SLCO3A1: variants seen among roughly 807,000 people sequenced by gnomAD.
SLCO3A1 encodes solute carrier organic anion transporter family member 3A1.
A neutral mutation model predicts 63.1 loss-of-function variants in SLCO3A1; 27 were observed. That is an observed-to-expected ratio of 0.43 (90% CI 0.32 to 0.59). SLCO3A1 has a LOEUF of 0.59. SLCO3A1 is among the 20% of genes least tolerant of loss of function. The pLI, the probability that SLCO3A1 is intolerant of heterozygous loss-of-function variation, is 0.09. For missense variants in SLCO3A1, 773 were observed against 945.8 expected (o/e 0.82, Z 2.40); for synonymous variants, 473 against 409.9 (o/e 1.15, Z -1.86).
At chr15:91,867,937 G>T (rs1237822469) in intron 1 of SLCO3A1, among the ~76,000 whole-genome samples, 1 of 152,228 alleles carries the variant, frequency 6.6e-6, no homozygotes, top group African/African-American at 2.4e-5. Context: ...GTGGCCGGCC[G>T]ATCCAAGCGC....
chr15:92,158,323 C>A (rs1487392396), intron 9 of SLCO3A1, among the ~76,000 whole-genome samples: 1 of 152,170 alleles, frequency 6.6e-6, no homozygotes, highest in Non-Finnish European at 1.5e-5. Context: ...CCCTGGAAAT[C>A]CCCAATAAGA....
In SLCO3A1 at chr15:92,162,854, G is replaced by C; in HGVS notation, c.1852G>C (p.Asp618His). ...GGAGCAAGGCGCCTGCGTCCTCTAC[G>C]ACAATGTGGTCTACCGATACCTGTA... ...CGEQGACVLY[D>H]NVVYRYLYVS... The change falls in exon 10 of 10, where the codon GAC (aspartate) becomes CAC (histidine). Residue 618 changes from aspartate to histidine, a missense_variant. Physicochemically the swap from Asp to His is moderately conservative, Grantham distance 81. Coordinates refer to ENST00000318445, the MANE Select transcript of SLCO3A1 (RefSeq NM_013272.4). 22 of 1,614,160 alleles carry C rather than the reference G, an allele frequency of 1.4e-5. No individual in the cohort carries two copies. Among genetic ancestry groups the C allele is most frequent in the Non-Finnish European group, 1.8e-5 (21 of 1,180,050 alleles).
chr15:91,935,685 A>T (rs747876246), intron 2 of SLCO3A1, among the ~76,000 whole-genome samples: 1 of 152,214 alleles, frequency 6.6e-6, no homozygotes, highest in Non-Finnish European at 1.5e-5. Flanking sequence ...AGGGCCTGCC[A>T]CTTCCTTCCT....
chr15:92,096,763 G>C (rs1596097685), intron 3 of SLCO3A1, among the ~76,000 whole-genome samples: 1 of 152,104 alleles, frequency 6.6e-6, no homozygotes, highest in Non-Finnish European at 1.5e-5. Flanking sequence ...TTTACTTGTA[G>C]CTAATGATGT....
At chr15:92,115,815 CAAAAA>C (rs765666191) in intron 4 of SLCO3A1, among the ~76,000 whole-genome samples, 7 of 86,712 alleles carry the variant, frequency 8.1e-5, no homozygotes, top group African/African-American at 3.1e-4. Context: ...TCTCTTCCCT[CAAAAA>C]AAAAAAAAAA....
chr15:91,928,144 T>C (rs1899097238), intron 2 of SLCO3A1, among the ~76,000 whole-genome samples: 1 of 152,264 alleles, frequency 6.6e-6, no homozygotes, highest in African/African-American at 2.4e-5. Context: ...CTAGGATTCA[T>C]TACTATCATA....
At position 91,859,932 on chromosome 15, in the gene SLCO3A1, G is replaced by C. The variant is rs1235410506; in HGVS notation, c.180+5844G>C. 6.6e-6 allele frequency among the ~76,000 whole-genome samples: 1 copy of C among 152,166 alleles called. No individual in the cohort carries two copies. Among genetic ancestry groups the C allele is most frequent in the Non-Finnish European group, 1.5e-5 (1 of 68,036 alleles). ...TTCAAGTAGTTTCCTATTCTACATG[G>C]ACATTTTTGTCTGGGAGGTAAAAAG... On this transcript the variant is annotated intron_variant, in intron 1 of 9. Coordinates refer to ENST00000318445, the MANE Select transcript of SLCO3A1 (RefSeq NM_013272.4). This position sits in a 1 kb window ranked among gnomAD's most constrained non-coding sequence, Gnocchi z 5.1.
intron 2 of SLCO3A1, among the ~76,000 whole-genome samples, chr15:91,953,888 T>TG (rs1309030621): frequency 6.6e-6 from 1 of 152,200 alleles, no homozygotes; most frequent in African/African-American, 2.4e-5. Context: ...ATCTTCCTTC[T>TG]GAGGTGGAGG....
chr15:92,048,704 G>C (rs1421943505), intron 2 of SLCO3A1, among the ~76,000 whole-genome samples: 1 of 152,152 alleles, frequency 6.6e-6, no homozygotes, highest in African/African-American at 2.4e-5. Context: ...TTCGAGACCA[G>C]CCTGGCCAAC....
chr15:92,102,359 C>A (rs1382778964), intron 3 of SLCO3A1, among the ~76,000 whole-genome samples: 2 of 152,118 alleles, frequency 1.3e-5, no homozygotes. Context: ...TTTTGAGATT[C>A]TCATTTATAT....
chr15:92,057,724 G>A (rs1427148472), intron 2 of SLCO3A1, among the ~76,000 whole-genome samples: 1 of 152,174 alleles, frequency 6.6e-6, no homozygotes, highest in East Asian at 1.9e-4. Context: ...CCAGCTAAAA[G>A]AATCACTGAT....
At chr15:92,095,278 C>T (rs1373917179) in intron 3 of SLCO3A1, among the ~76,000 whole-genome samples, 1 of 152,224 alleles carries the variant, frequency 6.6e-6, no homozygotes, top group African/African-American at 2.4e-5. Flanking sequence ...ATAATTACAT[C>T]GGCCTGGCAG....
In SLCO3A1 at chr15:92,016,251, AGAT is replaced by A. The variant is rs879746952; in HGVS notation, c.647-78629_647-78627del. ...TAGATAGATAGATAGATAGATAGAT[AGAT>A]TAGATAGATAGATAGATAGATAGAT... On this transcript the variant is annotated intron_variant, in intron 2 of 9. Transcript: ENST00000318445. Among the ~76,000 whole-genome samples, 462 of 52,198 alleles carry A rather than the reference AGAT, an allele frequency of 8.9e-3. 2 individuals carry two copies. Among genetic ancestry groups the A allele is most frequent in the East Asian group, 0.036 (16 of 442 alleles). 34.2% of individuals were successfully genotyped at this position (52,198 alleles called of 152,430 possible).
intron 2 of SLCO3A1, among the ~76,000 whole-genome samples, chr15:91,946,668 C>A (rs942427979): frequency 6.6e-6 from 1 of 152,146 alleles, no homozygotes; most frequent in South Asian, 2.1e-4. Flanking sequence ...AGGAGAAGGA[C>A]TTGGGAGGAT....
intron 2 of SLCO3A1, among the ~76,000 whole-genome samples, chr15:91,958,208 G>A (rs774340703): frequency 2.6e-5 from 4 of 152,164 alleles, no homozygotes; most frequent in Non-Finnish European, 5.9e-5. Context: ...TATTGGTGAG[G>A]CTTCCAATTA....
At chr15:92,127,577 A>T (rs1157594957) in intron 6 of SLCO3A1, among the ~76,000 whole-genome samples, 2 of 152,210 alleles carry the variant, frequency 1.3e-5, no homozygotes, top group Non-Finnish European at 2.9e-5. Context: ...ATTATTATGA[A>T]GTGCTCTGAG....
At chr15:92,053,881 T>C (rs2046991106) in intron 2 of SLCO3A1, among the ~76,000 whole-genome samples, 1 of 152,000 alleles carries the variant, frequency 6.6e-6, no homozygotes, top group African/African-American at 2.4e-5. Flanking sequence ...CTGCCCTCTT[T>C]TCCTCTTTGT....
intron 2 of SLCO3A1, among the ~76,000 whole-genome samples, chr15:92,036,834 A>C (rs1281860007): frequency 6.6e-6 from 1 of 152,186 alleles, no homozygotes; most frequent in Non-Finnish European, 1.5e-5. Flanking sequence ...GACCATTAGA[A>C]TGTGACCTCT....
chr15:92,014,902 T>G (rs746151559), intron 2 of SLCO3A1, among the ~76,000 whole-genome samples: 1 of 152,118 alleles, frequency 6.6e-6, no homozygotes, highest in Non-Finnish European at 1.5e-5. Context: ...GGATCTGATG[T>G]GGAGGGAACT....
Sources: gnomAD v4.1 joint callset for allele counts (sites outside exome capture counted in the v4.1 genomes callset) on GRCh38, gnomAD v4.1.1 for gene constraint, Gnocchi (gnomAD v3.1) non-coding constraint, MANE v1.5 for transcripts, NCBI Gene and HGNC (gene_info 2026-07-23, HGNC 2026-07-21) for gene names.